The following ARHGAP12 variants were observed in gnomAD, a reference collection of about 807,000 sequenced individuals.
ARHGAP12 encodes rho GTPase-activating protein 12.
Under a neutral mutation model 108.6 loss-of-function variants are expected in ARHGAP12, and 64 were observed. The ratio of observed to expected loss-of-function variants is 0.59; its 90% CI spans 0.48 to 0.73. ARHGAP12 has a LOEUF of 0.73. Among genes scored for constraint, ARHGAP12 ranks in the 30% least tolerant of loss-of-function variants. The pLI, the probability that ARHGAP12 is intolerant of heterozygous loss-of-function variation, is 0.00. For missense variants in ARHGAP12, 940 were observed against 1,005.9 expected (o/e 0.93, Z 0.89); for synonymous variants, 312 against 337.2 (o/e 0.93, Z 0.82).
At chr10:31,914,952 G>C (rs979016996) in intron 1 of ARHGAP12, among the ~76,000 whole-genome samples, 1 of 152,146 alleles carries the variant, frequency 6.6e-6, no homozygotes, top group Non-Finnish European at 1.5e-5. Flanking sequence ...ATACTACTTA[G>C]CCATAAAAAA....
intron 3 of ARHGAP12, among the ~76,000 whole-genome samples, chr10:31,902,567 T>C (rs1318015072): frequency 1.3e-5 from 2 of 151,810 alleles, no homozygotes; most frequent in Non-Finnish European, 2.9e-5. Context: ...TCACAACTAC[T>C]CACGAGGCTG....
Position 31,908,237 on chromosome 10 carries a change from C to T in ARHGAP12, c.619G>A (p.Glu207Lys). Residue 207 changes from glutamate to lysine, a missense_variant, in exon 3 of 20, where the codon GAA (glutamate) becomes AAA (lysine). Glu to Lys is a moderately conservative substitution (Grantham distance 56). Coordinates refer to ENST00000344936, the MANE Select transcript of ARHGAP12 (RefSeq NM_018287.7). Reference sequence around the variant, plus strand: ...GATTCAGAATCTTGATGTATTCTTTCAGAGCCTTCTCCTGCGGAATCACAA... The same window carrying T: ...GATTCAGAATCTTGATGTATTCTTTTAGAGCCTTCTCCTGCGGAATCACAA... ...QSCDSAGEGS[E>K]RIHQDSESGD... 6.2e-7 allele frequency: 1 copy of T among 1,613,758 alleles called. No homozygotes were observed. The highest frequency in any genetic ancestry group is 8.5e-7 in the Non-Finnish European group (1 of 1,179,910).
At chr10:31,920,854 C>T (rs1220374375) in intron 1 of ARHGAP12, among the ~76,000 whole-genome samples, 1 of 152,078 alleles carries the variant, frequency 6.6e-6, no homozygotes, top group African/African-American at 2.4e-5. Flanking sequence ...CTGAAAAGAA[C>T]TGAAATTATG....
intron 3 of ARHGAP12, among the ~76,000 whole-genome samples, chr10:31,903,835 T>C (rs1359815263): frequency 2.6e-5 from 4 of 151,950 alleles, no homozygotes; most frequent in East Asian, 3.8e-4. Context: ...AGAGGATATA[T>C]CAATGGCAAA....
chr10:31,875,570 T>C (rs1035612380), intron 3 of ARHGAP12, among the ~76,000 whole-genome samples: 2 of 152,218 alleles, frequency 1.3e-5, no homozygotes, highest in African/African-American at 4.8e-5. Flanking sequence ...GATCAAAAGT[T>C]AACCACCTCT....
At chr10:31,882,779 C>T (rs1838025063) in intron 3 of ARHGAP12, among the ~76,000 whole-genome samples, 1 of 148,540 alleles carries the variant, frequency 6.7e-6, no homozygotes. Context: ...CACCACTGCA[C>T]TCCAGCCTGG....
intron 3 of ARHGAP12, among the ~76,000 whole-genome samples, chr10:31,894,225 A>G (rs1343145223): frequency 1.3e-5 from 2 of 152,182 alleles, no homozygotes; most frequent in African/African-American, 2.4e-5. Flanking sequence ...CCTATTCAAC[A>G]TAGTGTTGGA....
intron 3 of ARHGAP12, among the ~76,000 whole-genome samples, chr10:31,880,081 T>G (rs1279167003): frequency 6.6e-6 from 1 of 152,258 alleles, no homozygotes; most frequent in Non-Finnish European, 1.5e-5. Flanking sequence ...TTCTTCGAAC[T>G]GTGCACGATA....
At chr10:31,851,697 T>C (rs1836686023) in intron 6 of ARHGAP12, among the ~76,000 whole-genome samples, 1 of 152,208 alleles carries the variant, frequency 6.6e-6, no homozygotes, top group Admixed American at 6.6e-5. Flanking sequence ...GTTTACTAGA[T>C]TAGCGTTTCC....
At chr10:31,829,126 T>G (rs1271382061) in intron 10 of ARHGAP12, among the ~76,000 whole-genome samples, 1 of 151,952 alleles carries the variant, frequency 6.6e-6, no homozygotes, top group Admixed American at 6.6e-5. Context: ...CACTCCAGCC[T>G]GGGCGAGAGA....
In ARHGAP12 at chr10:31,854,263, T is replaced by C. The variant is rs76648302; in HGVS notation, c.949-57A>G. 7,540 of 1,441,746 alleles carry C rather than the reference T, an allele frequency of 5.2e-3. 328 individuals carry two copies. In the African/African-American group the frequency reaches 0.091, roughly 17 times the overall value. The allele number at this position is 1,441,746 out of a possible 1,614,324, so 89.3% of individuals were successfully genotyped here. On this transcript the variant is annotated intron_variant, in intron 4 of 19. Coordinates refer to ENST00000344936, the MANE Select transcript of ARHGAP12 (RefSeq NM_018287.7). ...TTTTTTGAATATAAATATGAATTGG[T>C]TGAAAATCTAATAAATAAATTTTAC...
chr10:31,836,254 C>T (rs555798073), intron 9 of ARHGAP12, among the ~76,000 whole-genome samples: 1 of 152,180 alleles, frequency 6.6e-6, no homozygotes, highest in Non-Finnish European at 1.5e-5. Context: ...TATTCTAAAA[C>T]TTTACTCAGT....
At chr10:31,869,239 T>TA (rs1349221562) in intron 3 of ARHGAP12, among the ~76,000 whole-genome samples, 1 of 151,786 alleles carries the variant, frequency 6.6e-6, no homozygotes, top group Middle Eastern at 3.2e-3. Context: ...TTTCATACTT[T>TA]AAAAAAAATA....
Position 31,826,395 on chromosome 10 carries a change from T to A in ARHGAP12, c.1449-10A>T. 1 of 1,603,632 alleles carries A rather than the reference T, an allele frequency of 6.2e-7. No homozygotes were observed. Among genetic ancestry groups the A allele is most frequent in the Non-Finnish European group, 8.5e-7 (1 of 1,175,020 alleles). Reference sequence around the variant, plus strand: ...AGACAACCAGTTCTTTCTGTAATTATAAAGATGACCGATTAAAGCTCCAAT... The same window carrying A: ...AGACAACCAGTTCTTTCTGTAATTAAAAAGATGACCGATTAAAGCTCCAAT... On this transcript the variant is annotated splice_polypyrimidine_tract_variant and intron_variant, in intron 10 of 19. Transcript: ENST00000344936.
intron 3 of ARHGAP12, among the ~76,000 whole-genome samples, chr10:31,892,515 C>T (rs1234471103): frequency 6.6e-6 from 1 of 152,182 alleles, no homozygotes; most frequent in African/African-American, 2.4e-5. Context: ...AAGGCAATTA[C>T]ATAATGGTAA....
At chr10:31,879,257 C>T (rs1420242132) in intron 3 of ARHGAP12, among the ~76,000 whole-genome samples, 6 of 151,908 alleles carry the variant, frequency 3.9e-5, no homozygotes, top group Non-Finnish European at 7.4e-5. Flanking sequence ...CAAAAAAATA[C>T]AAAAATTAGC....
intron 3 of ARHGAP12, among the ~76,000 whole-genome samples, chr10:31,881,910 T>C (rs755224280): frequency 6.6e-6 from 1 of 151,000 alleles, no homozygotes; most frequent in African/African-American, 2.4e-5. Flanking sequence ...AATTTTTGTT[T>C]AGATGTTTTT....
intron 3 of ARHGAP12, among the ~76,000 whole-genome samples, chr10:31,870,958 C>T (rs1356793552): frequency 6.6e-6 from 1 of 152,102 alleles, no homozygotes; most frequent in Non-Finnish European, 1.5e-5. Context: ...TAGGACAGTC[C>T]CTGTCCTTGA....
chr10:31,925,019 G>A (rs566149212), intron 1 of ARHGAP12, among the ~76,000 whole-genome samples: 62 of 152,218 alleles, frequency 4.1e-4, no homozygotes, highest in Non-Finnish European at 6.9e-4. Context: ...TCTGTCTCTC[G>A]CTGTGTGACT....
Sources: gnomAD v4.1 joint callset for allele counts (sites outside exome capture counted in the v4.1 genomes callset) on GRCh38, gnomAD v4.1.1 for gene constraint, MANE v1.5 for transcripts, NCBI Gene and HGNC (gene_info 2026-07-23, HGNC 2026-07-21) for gene names.